Variants in DNM3 observed in about 807,000 individuals in gnomAD.
DNM3 encodes dynamin 3, also known as dynamin-3.
DNM3 carries 47 observed loss-of-function variants against 101.6 expected under a neutral mutation model. That is an observed-to-expected ratio of 0.46 (90% CI 0.37 to 0.59). DNM3 has a LOEUF of 0.59. Among genes scored for constraint, DNM3 ranks in the 20% least tolerant of loss-of-function variants. The pLI is 0.00. For missense variants in DNM3, 849 were observed against 1,085.7 expected, an observed-to-expected ratio of 0.78 and a Z score of 3.06; for synonymous variants, 385 against 387.9, an observed-to-expected ratio of 0.99 and a Z score of 0.09.
intron 13 of DNM3, among the ~76,000 whole-genome samples, chr1:172,126,901 G>A (rs540354270): frequency 6.6e-6 from 1 of 152,158 alleles, no homozygotes; most frequent in East Asian, 1.9e-4. Flanking sequence ...CCCGGATTCA[G>A]AAACTCAGAA....
Position 172,085,435 on chromosome 1 carries a change from C to T in DNM3, c.1493+3533C>T, listed in dbSNP as rs116060559. The stretch of plus-strand genomic sequence containing the variant: ...GGAAGTGAAATTTCAAACTCCTCTG[C>T]TCTTCTTCATTTGTTCCATGACACA... On this transcript the variant is annotated intron_variant, in intron 12 of 20. Transcript: ENST00000627582. Among the ~76,000 whole-genome samples the T allele has an allele frequency of 6.7e-3, 1,013 of 152,208 alleles. 18 individuals are homozygous for T. Among genetic ancestry groups the T allele is most frequent in the African/African-American group, 0.023 (962 of 41,538 alleles).
At chr1:172,272,545 C>T (rs2063128814) in intron 15 of DNM3, among the ~76,000 whole-genome samples, 1 of 152,116 alleles carries the variant, frequency 6.6e-6, no homozygotes, top group Non-Finnish European at 1.5e-5. Flanking sequence ...AGTGATTCTA[C>T]ACTTTGGCTA....
Position 172,068,870 on chromosome 1 carries a change from C to A in DNM3, c.1387C>A (p.His463Asn). The A allele has an allele frequency of 6.4e-7, 1 of 1,572,512 alleles. No individual in the cohort carries two copies. Among genetic ancestry groups the A allele is most frequent in the Non-Finnish European group, 8.6e-7 (1 of 1,158,126 alleles). The change falls in exon 11 of 21, where the codon CAC (histidine) becomes AAC (asparagine). Residue 463 changes from histidine to asparagine, a missense_variant. By Grantham distance (68) the His-to-Asn change is moderately conservative (BLOSUM62 1). This residue lies in a region of DNM3 where 193 missense variants were observed against 238.4 expected (regional missense o/e 0.81). Transcript: ENST00000627582. Reference sequence around the variant, plus strand: ...GGAAACGGAAAGGATTGTTGCTAACCACATTCGTGAGCGAGAAGGGAAGAC... The same window carrying A: ...GGAAACGGAAAGGATTGTTGCTAACAACATTCGTGAGCGAGAAGGGAAGAC... ...CEETERIVANHIREREGKTKD... is the reference protein window; with the variant it reads ...CEETERIVANNIREREGKTKD...
intron 4 of DNM3, among the ~76,000 whole-genome samples, chr1:172,021,388 G>A (rs898319379): frequency 5.9e-5 from 9 of 151,916 alleles, no homozygotes; most frequent in East Asian, 1.9e-4. Context: ...CAGGAGAATC[G>A]CTTGAGCCTA....
chr1:172,030,231 A>T (rs1301588262), intron 4 of DNM3, among the ~76,000 whole-genome samples: 1 of 152,174 alleles, frequency 6.6e-6, no homozygotes, highest in Non-Finnish European at 1.5e-5. Context: ...GAAACAGAAC[A>T]GAGGCCTCAG....
At chr1:171,921,878 T>A in intron 2 of DNM3, 57 bp downstream of exon 2, 1 of 1,484,824 alleles carries the variant, frequency 6.7e-7, no homozygotes, top group Non-Finnish European at 9.2e-7. Context: ...CCCTTTTGCC[T>A]TCATAGGTGT....
intron 14 of DNM3, among the ~76,000 whole-genome samples, chr1:172,153,360 T>C (rs186898989): frequency 5.9e-5 from 9 of 152,276 alleles, no homozygotes; most frequent in Admixed American, 5.9e-4. Context: ...CTACCCTTGG[T>C]GACTTTTATG....
chr1:172,051,186 T>C (rs1241713243), intron 10 of DNM3, among the ~76,000 whole-genome samples: 2 of 152,230 alleles, frequency 1.3e-5, no homozygotes, highest in Non-Finnish European at 2.9e-5. Flanking sequence ...AGGGCCTTTA[T>C]TGGGTATGAC....
At chr1:172,231,903 GAAAGAAACAAAC>G (rs1319408089) in intron 14 of DNM3, among the ~76,000 whole-genome samples, 2 of 152,082 alleles carry the variant, frequency 1.3e-5, no homozygotes, top group East Asian at 3.9e-4. Context: ...AAAAGGAATA[GAAAGAAACAAAC>G]AAAGCCTCCA....
intron 2 of DNM3, among the ~76,000 whole-genome samples, chr1:171,922,550 A>C (rs2040259290): frequency 6.6e-6 from 1 of 152,248 alleles, no homozygotes; most frequent in Admixed American, 6.5e-5. Context: ...TACAGTTTAC[A>C]TACCATACAA....
At chr1:172,045,052 C>G (rs568020884) in intron 9 of DNM3, among the ~76,000 whole-genome samples, 1 of 150,848 alleles carries the variant, frequency 6.6e-6, no homozygotes, top group South Asian at 2.1e-4. Context: ...GTGGGATGAC[C>G]AAAGGCAAAG....
At chr1:172,003,655 A>G (rs1320916792) in intron 4 of DNM3, among the ~76,000 whole-genome samples, 2 of 151,498 alleles carry the variant, frequency 1.3e-5, no homozygotes, top group African/African-American at 4.8e-5. Context: ...ATTTTTTTCC[A>G]TTGAGATAAG....
At chr1:171,860,652 C>T (rs2034078886) in intron 1 of DNM3, among the ~76,000 whole-genome samples, 1 of 151,906 alleles carries the variant, frequency 6.6e-6, no homozygotes, top group Non-Finnish European at 1.5e-5. Flanking sequence ...GGCAAAGTAG[C>T]AGCAGAGAGA....
chr1:172,278,119 A>G (rs1166693671), intron 15 of DNM3, among the ~76,000 whole-genome samples: 1 of 152,088 alleles, frequency 6.6e-6, no homozygotes, highest in Admixed American at 6.6e-5. Flanking sequence ...CTTTTTTTGT[A>G]TTCTGTTCAA....
At chr1:172,277,838 C>G (rs115471196) in intron 15 of DNM3, among the ~76,000 whole-genome samples, 10 of 151,932 alleles carry the variant, frequency 6.6e-5, no homozygotes, top group Admixed American at 3.3e-4. Context: ...GAATAAGAAG[C>G]CTTGAATAAA....
At chr1:172,097,496 G>A (rs963761309) in intron 13 of DNM3, among the ~76,000 whole-genome samples, 23 of 152,150 alleles carry the variant, frequency 1.5e-4, no homozygotes, top group African/African-American at 5.1e-4. Flanking sequence ...CAGGACTCAT[G>A]TACACTGGAG....
chr1:172,387,049 G>C, intron 18 of DNM3, 84 bp from the exon 19 acceptor site: 1 of 1,190,454 alleles, frequency 8.4e-7, no homozygotes, highest in East Asian at 2.4e-5. Context: ...ACTTTGTCCA[G>C]ACTCTGACTG....
rs2058580578 is a variant in DNM3 at position 172,162,487 on chromosome 1, A to G, written c.1659+31199A>G. 2.0e-5 allele frequency among the ~76,000 whole-genome samples: 3 copies of G among 152,064 alleles called. No individual in the cohort carries two copies. The South Asian group carries it at 6.2e-4, about 32-fold the overall frequency. On this transcript the variant is annotated intron_variant, in intron 14 of 20. Coordinates refer to ENST00000627582, the MANE Select transcript of DNM3 (RefSeq NM_015569.5). ...ATTACTCAAAAACACAAACATGGAAAGCAGAAAAAAAATAGAAAGAAAGAG... is the reference window on the plus strand; with the variant it reads ...ATTACTCAAAAACACAAACATGGAAGGCAGAAAAAAAATAGAAAGAAAGAG...
chr1:171,872,890 C>A (rs2035428435), intron 1 of DNM3, among the ~76,000 whole-genome samples: 1 of 151,882 alleles, frequency 6.6e-6, no homozygotes, highest in Non-Finnish European at 1.5e-5. Flanking sequence ...GAGTTTAGAT[C>A]AAACTTGATA....
Sources: allele counts gnomAD v4.1 joint callset (sites outside exome capture counted in the v4.1 genomes callset), GRCh38; gene constraint gnomAD v4.1.1; regional missense constraint gnomAD v4.1.1; transcripts MANE v1.5; gene names NCBI Gene and HGNC (gene_info 2026-07-23, HGNC 2026-07-21).